Variants in PLCXD3 observed in about 807,000 individuals in gnomAD.
PLCXD3 encodes the protein PI-PLC X domain-containing protein 3.
In PLCXD3, 19 loss-of-function variants were observed where a neutral mutation model predicts 25.5. The observed-to-expected ratio is 0.75, with a 90% CI of 0.52 to 1.09. PLCXD3 has a LOEUF of 1.09. Ranked by LOEUF, PLCXD3 falls within the 50% of genes least tolerant of loss-of-function variation. The probability of loss-of-function intolerance (pLI) is 0.00; values close to 1 mark genes in which losing one functional copy is unlikely to be tolerated. For missense variants in PLCXD3, 411 were observed against 388.1 expected (o/e 1.06, Z -0.50); for synonymous variants, 174 against 137.6 (o/e 1.26, Z -1.85).
chr5:41,421,326 G>C (rs558784523), intron 1 of PLCXD3, among the ~76,000 whole-genome samples: 27 of 152,226 alleles, frequency 1.8e-4, no homozygotes, highest in African/African-American at 5.8e-4. Context: ...AGTAATTTGA[G>C]GGTAGGTAGG....
At chr5:41,404,298 AT>A (rs1457218172) in intron 1 of PLCXD3, among the ~76,000 whole-genome samples, 2 of 152,260 alleles carry the variant, frequency 1.3e-5, no homozygotes. Context: ...AAGTGGAACC[AT>A]GTGGAACCAT....
In PLCXD3 at chr5:41,382,133, T is replaced by C; in HGVS notation, c.505A>G (p.Lys169Glu). Residue 169 changes from lysine to glutamate, a missense_variant, in exon 2 of 3, where the codon AAA becomes GAA. Lys to Glu is a moderately conservative substitution (Grantham distance 56). Transcript: ENST00000377801. The stretch of plus-strand genomic sequence containing the variant: ...TGGGCAAAAATCGCTGGGCACATTT[T>C]ATTTCCATAGATGTCTTTCAGCATT... Reference protein sequence around the residue: ...VQMLKDIYGNKMCPAIFAQEV... With the variant: ...VQMLKDIYGNEMCPAIFAQEV... 2 of 1,613,784 alleles carry C rather than the reference T, an allele frequency of 1.2e-6. No individual in the cohort carries two copies. Among genetic ancestry groups the C allele is most frequent in the Non-Finnish European group, 1.7e-6 (2 of 1,179,784 alleles).
intron 1 of PLCXD3, among the ~76,000 whole-genome samples, chr5:41,457,737 T>G (rs1012445614): frequency 1.3e-5 from 2 of 151,890 alleles, no homozygotes; most frequent in Admixed American, 6.6e-5. Context: ...TTAAAGCTGA[T>G]GAGGTACATG....
At chr5:41,369,933 T>C (rs1745044650) in intron 2 of PLCXD3, among the ~76,000 whole-genome samples, 1 of 152,230 alleles carries the variant, frequency 6.6e-6, no homozygotes, top group African/African-American at 2.4e-5. Flanking sequence ...TGGCCACATA[T>C]CACATCCATT....
intron 1 of PLCXD3, among the ~76,000 whole-genome samples, chr5:41,429,308 A>G (rs903622901): frequency 2.0e-5 from 3 of 152,020 alleles, no homozygotes; most frequent in Non-Finnish European, 4.4e-5. Flanking sequence ...ACAGAATAGG[A>G]CAAAGACAAC....
chr5:41,408,298 C>T (rs1476001289), intron 1 of PLCXD3, among the ~76,000 whole-genome samples: 1 of 152,206 alleles, frequency 6.6e-6, no homozygotes, highest in African/African-American at 2.4e-5. Flanking sequence ...GTAATACAGA[C>T]ATCTTCTTGC....
chr5:41,326,792 A>G (rs1031815654), intron 2 of PLCXD3, among the ~76,000 whole-genome samples: 3 of 152,108 alleles, frequency 2.0e-5, no homozygotes, highest in African/African-American at 7.2e-5. Context: ...GCCAATTTTT[A>G]CCAGTACCTG....
chr5:41,414,538 G>T (rs1746649136), intron 1 of PLCXD3, among the ~76,000 whole-genome samples: 1 of 152,098 alleles, frequency 6.6e-6, no homozygotes, highest in Non-Finnish European at 1.5e-5. Flanking sequence ...GAATAGGAGG[G>T]TGATTATTAT....
chr5:41,492,835 A>G (rs537381059), intron 1 of PLCXD3, among the ~76,000 whole-genome samples: 2 of 152,144 alleles, frequency 1.3e-5, no homozygotes, highest in African/African-American at 2.4e-5. Context: ...ATTCTTCTAA[A>G]CTTTTTCCAA....
chr5:41,441,100 T>TATTC (rs111676046), intron 1 of PLCXD3, among the ~76,000 whole-genome samples: 1,586 of 152,328 alleles, frequency 0.01, 36 homozygotes, highest in African/African-American at 0.036. Flanking sequence ...TTCATTTGCC[T>TATTC]ATTCATTCAT....
chr5:41,382,675 G>T, intron 1 of PLCXD3, 141 bp from the exon 2 acceptor site: 1 of 632,094 alleles, frequency 1.6e-6, no homozygotes, highest in Non-Finnish European at 2.6e-6. Flanking sequence ...TATTTTTTAT[G>T]CCTTAGGAGG....
chr5:41,373,579 C>T (rs746278517), intron 2 of PLCXD3, among the ~76,000 whole-genome samples: 8 of 152,218 alleles, frequency 5.3e-5, no homozygotes, highest in South Asian at 2.1e-4. Flanking sequence ...GCCCATGGAA[C>T]GGCCAGCCCG....
chr5:41,425,040 T>C (rs2150507016), intron 1 of PLCXD3, among the ~76,000 whole-genome samples: 1 of 152,282 alleles, frequency 6.6e-6, no homozygotes, highest in African/African-American at 2.4e-5. Context: ...TTGGGGCTAT[T>C]TTGGTGGTTG....
intron 2 of PLCXD3, among the ~76,000 whole-genome samples, chr5:41,329,056 C>A (rs7704046): frequency 0.084 from 12,856 of 152,144 alleles, 834 homozygotes; most frequent in East Asian, 0.35. Context: ...AATGCTAGCC[C>A]CGTTATCAGT....
intron 1 of PLCXD3, among the ~76,000 whole-genome samples, chr5:41,501,645 T>G (rs1444403078): frequency 6.6e-6 from 1 of 152,096 alleles, no homozygotes; most frequent in Non-Finnish European, 1.5e-5. Context: ...GTAGCAACAC[T>G]GTATTATATA....
chr5:41,308,868 T>C lies in PLCXD3; in HGVS notation c.*4749A>G, dbSNP rs1743060175. 1 of 152,470 alleles carries C rather than the reference T, an allele frequency of 6.6e-6. No individual in the cohort carries two copies. Among genetic ancestry groups the C allele is most frequent in the African/African-American group, 2.4e-5 (1 of 41,444 alleles). 9.4% of individuals were successfully genotyped at this position (152,470 alleles called of 1,614,324 possible). A position where few individuals can be genotyped will look rare whatever the true frequency, so the allele number is the denominator to read the frequency against. On this transcript the variant is annotated 3_prime_UTR_variant, in exon 3 of 3. Transcript: ENST00000377801. ...AAAATGAAGTTAATATATGAATTGA[T>C]GTTTGATTATTACGAAAAGCAATGG...
At chr5:41,493,478 C>T (rs1268023045) in intron 1 of PLCXD3, among the ~76,000 whole-genome samples, 1 of 152,206 alleles carries the variant, frequency 6.6e-6, no homozygotes, top group Non-Finnish European at 1.5e-5. Context: ...CAGACAGGGA[C>T]ATTTAAGTCT....
Position 41,477,212 on chromosome 5 carries a change from C to A in PLCXD3, c.103+33212G>T, listed in dbSNP as rs182772298. Among the ~76,000 whole-genome samples the A allele has an allele frequency of 3.9e-3, 588 of 152,018 alleles. 10 individuals carry two copies. Among genetic ancestry groups the A allele is most frequent in the Non-Finnish European group, 3.2e-3 (215 of 67,962 alleles). ...CTGAAAAATGGGAATAATATGTTACCCTAACAGTATAGAAATGGTACTTAC... is the reference window on the plus strand; with the variant it reads ...CTGAAAAATGGGAATAATATGTTACACTAACAGTATAGAAATGGTACTTAC... On this transcript the variant is annotated intron_variant, in intron 1 of 2. Transcript: ENST00000377801.
intron 2 of PLCXD3, among the ~76,000 whole-genome samples, chr5:41,376,429 C>T (rs1261681154): frequency 6.6e-6 from 1 of 151,864 alleles, no homozygotes; most frequent in Non-Finnish European, 1.5e-5. Context: ...TCTGATTTGC[C>T]CTCCTCAATA....
Sources: gnomAD v4.1 joint callset for allele counts (sites outside exome capture counted in the v4.1 genomes callset) on GRCh38, gnomAD v4.1.1 for gene constraint, MANE v1.5 for transcripts, NCBI Gene and HGNC (gene_info 2026-07-23, HGNC 2026-07-21) for gene names.